ZYG11B: variants seen among roughly 807,000 people sequenced by gnomAD.
ZYG11B encodes the protein zyg-11 family member B, cell cycle regulator, also known as protein zyg-11 homolog B.
Under a neutral mutation model 82.4 loss-of-function variants are expected in ZYG11B, and 36 were observed. The observed-to-expected ratio is 0.44, with a 90% CI of 0.33 to 0.58. The LOEUF (loss-of-function observed/expected upper bound fraction) is 0.58, where lower values mean the gene tolerates loss of function less well. Among genes scored for constraint, ZYG11B ranks in the 20% least tolerant of loss-of-function variants. ZYG11B has a pLI of 0.02. For synonymous variants in ZYG11B, 303 were observed against 312.8 expected, an observed-to-expected ratio of 0.97 and a Z score of 0.33; for missense variants, 552 against 895.6, an observed-to-expected ratio of 0.62 and a Z score of 4.90.
chr1:52,787,126 CTG>C (rs1357109371), intron 5 of ZYG11B, among the ~76,000 whole-genome samples: 3 of 151,754 alleles, frequency 2.0e-5, no homozygotes, highest in African/African-American at 7.3e-5. Context: ...CACTGTGTAA[CTG>C]TGTATAATGA....
intron 12 of ZYG11B, among the ~76,000 whole-genome samples, chr1:52,814,531 C>T (rs986485707): frequency 5.9e-5 from 9 of 152,038 alleles, no homozygotes; most frequent in Non-Finnish European, 1.0e-4. Flanking sequence ...GATAAAATAC[C>T]GTTATGCCAA....
rs1382830803 is a variant in ZYG11B at position 52,824,403 on chromosome 1, G to A, written c.*2774G>A. ...CGCCTGTAATCCCAGCACTTTGGGA[G>A]GCCGAGGTGGGTGGATCACAAGGTC... is the stretch of plus-strand genomic sequence containing the variant. On this transcript the variant is annotated 3_prime_UTR_variant, in exon 14 of 14. Transcript: ENST00000294353. 6.6e-6 allele frequency: 1 copy of A among 152,258 alleles called. No individual in the cohort carries two copies. Among genetic ancestry groups the A allele is most frequent in the African/African-American group, 2.4e-5 (1 of 41,432 alleles). 9.4% of individuals were successfully genotyped at this position (152,258 alleles called of 1,614,324 possible). A position where few individuals can be genotyped will look rare whatever the true frequency, so the allele number is the denominator to read the frequency against.
chr1:52,737,868 A>G (rs542858824), intron 1 of ZYG11B, among the ~76,000 whole-genome samples: 1 of 152,384 alleles, frequency 6.6e-6, no homozygotes, highest in Admixed American at 6.5e-5. Context: ...GATGAAAAAA[A>G]TTGAACACTC....
intron 6 of ZYG11B, among the ~76,000 whole-genome samples, chr1:52,794,776 A>T (rs1644994121): frequency 6.6e-6 from 1 of 152,210 alleles, no homozygotes; most frequent in South Asian, 2.1e-4. Context: ...TTCTCCTTGT[A>T]TCCCACATTG....
chr1:52,796,313 C>A lies in ZYG11B; in HGVS notation c.1356C>A (p.Val452=). 1.2e-6 allele frequency: 2 copies of A among 1,613,598 alleles called. No individual in the cohort carries two copies. Among genetic ancestry groups the A allele is most frequent in the Non-Finnish European group, 8.5e-7 (1 of 1,179,706 alleles). ...PFNRFEAAKL[V]MQWLCNHEDQ... ...TCAGGTTTGAAGCAGCCAAGCTTGT[C>A]ATGCAGTGGCTTTGCAACCATGAGG... Residue 452 remains valine, a synonymous_variant, in exon 7 of 14, where the codon GTC becomes GTA. Transcript: ENST00000294353.
At chr1:52,745,522 T>C (rs763047914) in intron 1 of ZYG11B, among the ~76,000 whole-genome samples, 3 of 152,174 alleles carry the variant, frequency 2.0e-5, no homozygotes, top group Non-Finnish European at 2.9e-5. Context: ...TCTGTAAGCA[T>C]AGGGGATATG....
chr1:52,806,943 G>A (rs6667822), intron 10 of ZYG11B, among the ~76,000 whole-genome samples: 7,021 of 151,212 alleles, frequency 0.046, 217 homozygotes, highest in Non-Finnish European at 0.071. Context: ...ATCTCAGCTC[G>A]CTGCAACCTC....
chr1:52,729,447 T>A (rs1361248045), intron 1 of ZYG11B, among the ~76,000 whole-genome samples: 1 of 152,130 alleles, frequency 6.6e-6, no homozygotes, highest in East Asian at 1.9e-4. Flanking sequence ...ATGGGAGAGG[T>A]GAGGAGAAGG....
intron 1 of ZYG11B, among the ~76,000 whole-genome samples, chr1:52,740,655 C>T (rs915121408): frequency 7.9e-5 from 12 of 151,566 alleles, no homozygotes; most frequent in South Asian, 4.2e-4. Context: ...CCTCCGCCTC[C>T]GGGGTTCAAG....
chr1:52,788,965 A>C (rs1644934830), intron 5 of ZYG11B, among the ~76,000 whole-genome samples: 1 of 152,206 alleles, frequency 6.6e-6, no homozygotes, highest in Non-Finnish European at 1.5e-5. Flanking sequence ...AAGTTATGCC[A>C]CTAATCAATC....
intron 10 of ZYG11B, among the ~76,000 whole-genome samples, chr1:52,809,270 C>G (rs1418095346): frequency 6.6e-6 from 1 of 152,194 alleles, no homozygotes. Context: ...CCACTCATCT[C>G]TGTAACTGTT....
At chr1:52,800,743 G>C (rs1164379996) in intron 8 of ZYG11B, among the ~76,000 whole-genome samples, 1 of 152,048 alleles carries the variant, frequency 6.6e-6, no homozygotes. Flanking sequence ...CGGGGGGGTG[G>C]AGGTCGCAGT....
chr1:52,781,121 G>C (rs1038477783), intron 4 of ZYG11B, among the ~76,000 whole-genome samples: 1 of 152,140 alleles, frequency 6.6e-6, no homozygotes, highest in Non-Finnish European at 1.5e-5. Context: ...GAGCAACAGA[G>C]CAAGACTCTC....
chr1:52,796,390 A>G lies in ZYG11B; in HGVS notation c.1433A>G (p.Lys478Arg), dbSNP rs1645006542. Residue 478 changes from lysine (K) to arginine (R), a missense_variant and splice_region_variant, in exon 7 of 14, where the codon AAG (lysine) becomes AGG (arginine). Physicochemically the swap from Lys to Arg is conservative, Grantham distance 26. Around this residue, in one of 3 missense-constraint regions of ZYG11B, gnomAD observed 66 missense variants for 176.4 expected, o/e 0.37. Transcript: ENST00000294353. ...GCTATCATTTCTATCCTGGCTGCCA[A>G]GGTACCTGAACTCTTGCTGAATAAT... ...AVAIISILAA[K>R]LSTEQTAQLG... 1.2e-6 allele frequency: 2 copies of G among 1,612,110 alleles called. No homozygotes were observed. The highest frequency in any genetic ancestry group is 1.7e-6 in the Non-Finnish European group (2 of 1,178,452).
At chr1:52,755,466 G>A (rs1318431159) in intron 1 of ZYG11B, among the ~76,000 whole-genome samples, 1 of 152,072 alleles carries the variant, frequency 6.6e-6, no homozygotes, top group Non-Finnish European at 1.5e-5. Flanking sequence ...TATTCTAGGT[G>A]TTGCATTTCC....
At chr1:52,778,812 A>G (rs573319511) in intron 3 of ZYG11B, among the ~76,000 whole-genome samples, 1 of 152,308 alleles carries the variant, frequency 6.6e-6, no homozygotes, top group East Asian at 1.9e-4. Flanking sequence ...GGGAATCCCT[A>G]GAAAGACTTA....
chr1:52,739,549 C>T (rs1366700061), intron 1 of ZYG11B, among the ~76,000 whole-genome samples: 2 of 152,090 alleles, frequency 1.3e-5, no homozygotes, highest in East Asian at 1.9e-4. Flanking sequence ...AATGTATTAC[C>T]CACCTTTTTC....
chr1:52,796,103 A>T (rs538553566), intron 6 of ZYG11B, among the ~76,000 whole-genome samples, 189 bp from the exon 7 acceptor site: 1 of 152,194 alleles, frequency 6.6e-6, no homozygotes, highest in Non-Finnish European at 1.5e-5. Flanking sequence ...TCTTTATGAA[A>T]TGTTGTCAGA....
chr1:52,789,401 T>C (rs1419210021), intron 5 of ZYG11B, among the ~76,000 whole-genome samples: 1 of 152,226 alleles, frequency 6.6e-6, no homozygotes, highest in African/African-American at 2.4e-5. Context: ...GTGACTTTTT[T>C]TTAAGCCCAC....
Sources: gnomAD v4.1 joint callset for allele counts (sites outside exome capture counted in the v4.1 genomes callset) on GRCh38, gnomAD v4.1.1 for gene constraint, gnomAD v4.1.1 regional missense constraint, MANE v1.5 for transcripts, NCBI Gene and HGNC (gene_info 2026-07-23, HGNC 2026-07-21) for gene names.